Variants in SDK2 observed in about 807,000 individuals in gnomAD.
The protein encoded by SDK2 is sidekick cell adhesion molecule 2.
Under a neutral mutation model 253.9 loss-of-function variants are expected in SDK2, and 105 were observed. That is an observed-to-expected ratio of 0.41 (90% confidence interval 0.35 to 0.49). SDK2 has a LOEUF of 0.49. Among genes scored for constraint, SDK2 ranks in the 20% least tolerant of loss-of-function variants. The pLI is 0.06. For synonymous variants in SDK2, 1,249 were observed against 1,234.9 expected, an observed-to-expected ratio of 1.01 and a Z score of -0.24; for missense variants, 2,608 against 3,003.0, an observed-to-expected ratio of 0.87 and a Z score of 3.07.
intron 36 of SDK2, among the ~76,000 whole-genome samples, chr17:73,373,551 C>A (rs1005973722): frequency 1.3e-5 from 2 of 152,230 alleles, no homozygotes; most frequent in Non-Finnish European, 2.9e-5. Context: ...TAACAGCCAT[C>A]CTTGCAGGTG....
In SDK2 at chr17:73,380,897, C is replaced by T. The variant is rs1212419234; in HGVS notation, c.4759G>A (p.Asp1587Asn). The T allele has an allele frequency of 1.2e-5, 19 of 1,567,618 alleles. No homozygotes were observed. The highest frequency in any genetic ancestry group is 1.6e-5 in the Non-Finnish European group (18 of 1,156,234). The change falls in exon 34 of 45, where the codon GAC becomes AAC. Residue 1587 changes from aspartate to asparagine, a missense_variant. Around this residue, in one of 2 missense-constraint regions of SDK2, gnomAD observed 1,103 missense variants for 1,143.9 expected, o/e 0.96. Transcript: ENST00000392650. ...GCCACCATGCAAGGAGACTTACTGTCCAGCTCGTACTGCGTGAGGCTGGGC... is the reference window on the plus strand; with the variant it reads ...GCCACCATGCAAGGAGACTTACTGTTCAGCTCGTACTGCGTGAGGCTGGGC... The part of the protein sequence containing the change: ...SRPSLTQYEL[D>N]NLNKHRRYEI...
Position 73,443,992 on chromosome 17 carries a change from C to T in SDK2, c.614-3069G>A, listed in dbSNP as rs538059584. On this transcript the variant is annotated intron_variant, in intron 5 of 44. Coordinates refer to ENST00000392650, the MANE Select transcript of SDK2 (RefSeq NM_001144952.2). This position sits in a 1 kb window ranked among gnomAD's most constrained non-coding sequence, Gnocchi z 4.6. ...TCCCAGAGGAAGTCGAACCAATGCT[C>T]GTGGGGTTAATGAATGAAAGAGCGT... 2.6e-5 allele frequency among the ~76,000 whole-genome samples: 4 copies of T among 152,204 alleles called. No individual in the cohort carries two copies. The highest frequency in any genetic ancestry group is 6.5e-5 in the Admixed American group (1 of 15,296).
At chr17:73,587,178 TC>T (rs2045613520) in intron 1 of SDK2, among the ~76,000 whole-genome samples, 1 of 152,120 alleles carries the variant, frequency 6.6e-6, no homozygotes, top group Non-Finnish European at 1.5e-5. Flanking sequence ...CCCTTGGAAT[TC>T]CATCTCCAGG....
In SDK2 at chr17:73,443,181, C is replaced by T. The variant is rs995171278; in HGVS notation, c.614-2258G>A. The stretch of plus-strand genomic sequence containing the variant: ...CAGTGGCCCCACTGCCCCTCTGGGC[C>T]ACCTTGTCAGCCCTGGGCAGGTTTT... On this transcript the variant is annotated intron_variant, in intron 5 of 44. Coordinates refer to ENST00000392650, the MANE Select transcript of SDK2 (RefSeq NM_001144952.2). This position sits in a 1 kb window ranked among gnomAD's most constrained non-coding sequence, Gnocchi z 4.6. 7.2e-5 allele frequency among the ~76,000 whole-genome samples: 11 copies of T among 152,302 alleles called. 1 individual carries two copies. Among genetic ancestry groups the T allele is most frequent in the East Asian group, 3.9e-4 (2 of 5,174 alleles).
At chr17:73,557,173 TA>T (rs1260056995) in intron 1 of SDK2, among the ~76,000 whole-genome samples, 3 of 152,222 alleles carry the variant, frequency 2.0e-5, no homozygotes, top group African/African-American at 7.2e-5. Context: ...TCATAAGAAG[TA>T]AGTTTCAACT....
intron 1 of SDK2, among the ~76,000 whole-genome samples, chr17:73,539,270 T>C (rs1366765646): frequency 6.6e-6 from 1 of 151,834 alleles, no homozygotes; most frequent in African/African-American, 2.4e-5. Flanking sequence ...CCCCTTAAAG[T>C]GAAAAAACAA....
rs1018420769 is a variant in SDK2, at chr17:73,496,491, G to A, written c.224+10947C>T. On this transcript the variant is annotated intron_variant, in intron 2 of 44. Coordinates refer to ENST00000392650, the MANE Select transcript of SDK2 (RefSeq NM_001144952.2). This position sits in a 1 kb window ranked among gnomAD's most constrained non-coding sequence, Gnocchi z 4.7. ...GAGGGCATGAAAGAGCAGAGACCAC[G>A]GGTGCACGATGCGTTCTGCCCATTA... Among the ~76,000 whole-genome samples, 1 of 152,150 alleles carries A rather than the reference G, an allele frequency of 6.6e-6. No individual in the cohort carries two copies. The highest frequency in any genetic ancestry group is 1.5e-5 in the Non-Finnish European group (1 of 68,024).
chr17:73,416,005 G>A lies in SDK2; in HGVS notation c.2187-13C>T. On this transcript the variant is annotated splice_polypyrimidine_tract_variant and intron_variant, in intron 16 of 44. Transcript: ENST00000392650. ...GGCCAGGCAGTACCTGAGGGGAAGAGGCGAGGCACAGTGGAGTCAGAGTCA... is the reference window on the plus strand; with the variant it reads ...GGCCAGGCAGTACCTGAGGGGAAGAAGCGAGGCACAGTGGAGTCAGAGTCA... 1 of 1,605,408 alleles carries A rather than the reference G, an allele frequency of 6.2e-7. No homozygotes were observed. The highest frequency in any genetic ancestry group is 8.5e-7 in the Non-Finnish European group (1 of 1,176,382).
intron 1 of SDK2, among the ~76,000 whole-genome samples, chr17:73,510,808 TC>T (rs1257867672): frequency 2.6e-5 from 4 of 152,208 alleles, no homozygotes; most frequent in Non-Finnish European, 5.9e-5. Flanking sequence ...AATGTTTCAA[TC>T]ATGCATCTCT....
At chr17:73,611,148 GCT>G (rs2045969630) in intron 1 of SDK2, among the ~76,000 whole-genome samples, 1 of 152,224 alleles carries the variant, frequency 6.6e-6, no homozygotes, top group African/African-American at 2.4e-5. Context: ...GGCTCACACA[GCT>G]CTGAGGGTCA....
Position 73,358,120 on chromosome 17 carries a change from T to C in SDK2, c.5552A>G (p.Lys1851Arg), listed in dbSNP as rs1183941451. 6.2e-7 allele frequency: 1 copy of C among 1,613,352 alleles called. No homozygotes were observed. The highest frequency in any genetic ancestry group is 1.1e-5 in the South Asian group (1 of 91,068). ...AIHWSSGDPG[K>R]GPITRYVIEA... ...GATGACGTAGCGGGTGATGGGCCCT[T>C]TGCCCGGGTCTCCGCTGGACCAGTG... The change falls in exon 40 of 45, where the codon AAA becomes AGA. Residue 1851 changes from lysine (K) to arginine (R), a missense_variant. Transcript: ENST00000392650.
At chr17:73,483,653 GTGTGTGTGTA>G (rs2063746724) in intron 2 of SDK2, among the ~76,000 whole-genome samples, 2 of 39,862 alleles carry the variant, frequency 5.0e-5, no homozygotes, top group African/African-American at 8.7e-5. Flanking sequence ...GTGTGTGTGT[GTGTGTGTGTA>G]TATATATATA....
intron 2 of SDK2, among the ~76,000 whole-genome samples, chr17:73,490,443 T>G (rs1326535566): frequency 6.6e-6 from 1 of 151,878 alleles, no homozygotes; most frequent in African/African-American, 2.4e-5. Context: ...TTAGGCAAGC[T>G]GCCTAATCTC....
At chr17:73,624,353 G>T (rs2046174245) in intron 1 of SDK2, among the ~76,000 whole-genome samples, 1 of 152,192 alleles carries the variant, frequency 6.6e-6, no homozygotes, top group South Asian at 2.1e-4. Context: ...ACAATTAGCT[G>T]GTGTGGTAGT....
At position 73,394,224 on chromosome 17, in the gene SDK2, G is replaced by A. The variant is rs142553153; in HGVS notation, c.3693C>T (p.Leu1231=). The A allele has an allele frequency of 1.3e-6, 2 of 1,582,048 alleles. No homozygotes were observed. The highest frequency in any genetic ancestry group is 2.3e-5 in the East Asian group (1 of 44,022). The change falls in exon 26 of 45, where the codon CTC becomes CTT. Residue 1231 remains leucine, a synonymous_variant. Coordinates refer to ENST00000392650, the MANE Select transcript of SDK2 (RefSeq NM_001144952.2). ...SEVPEADRNG[L]VLGYKVMYKE... is the part of the protein sequence containing the mutation. ...CGGGACTCACCTTATAGCCCAGCAC[G>A]AGCCCGTTGCGATCAGCCTCGGGGA...
intron 3 of SDK2, among the ~76,000 whole-genome samples, chr17:73,457,410 G>T (rs1301647955): frequency 6.7e-6 from 1 of 149,508 alleles, no homozygotes; most frequent in African/African-American, 2.5e-5. Context: ...AAGTGCAGTG[G>T]TACAATCTTG....
intron 43 of SDK2, among the ~76,000 whole-genome samples, chr17:73,349,634 A>G (rs4969106): frequency 0.89 from 135,994 of 152,238 alleles, 62,591 homozygotes; most frequent in Non-Finnish European, 1. Flanking sequence ...CTGTGCTTGC[A>G]CCACGAGCCT....
chr17:73,564,751 G>A (rs2045286474), intron 1 of SDK2, among the ~76,000 whole-genome samples: 1 of 152,090 alleles, frequency 6.6e-6, no homozygotes, highest in African/African-American at 2.4e-5. Flanking sequence ...CTTGAACCTG[G>A]GAGGCGGAGG....
rs562098484 is a variant in SDK2, at chr17:73,640,992, C to T, written c.64+3033G>A. The T allele has an allele frequency of 2.0e-5, 3 of 152,364 alleles. No homozygotes were observed. The East Asian group carries it at 5.8e-4, about 29-fold the overall frequency. 9.4% of individuals were successfully genotyped at this position (152,364 alleles called of 1,614,324 possible). A position where few individuals can be genotyped will look rare whatever the true frequency, so the allele number is the denominator to read the frequency against. On this transcript the variant is annotated intron_variant, in intron 1 of 44. Transcript: ENST00000392650. ...TAGTTAAAAGACTTCCAGGCTCACC[C>T]AGACCTTTCCAATCAGTGTCTGGGA...
Sources: gnomAD v4.1 joint callset for allele counts (sites outside exome capture counted in the v4.1 genomes callset) on GRCh38, gnomAD v4.1.1 for gene constraint, gnomAD v4.1.1 regional missense constraint, Gnocchi (gnomAD v3.1) non-coding constraint, MANE v1.5 for transcripts, NCBI Gene and HGNC (gene_info 2026-07-23, HGNC 2026-07-21) for gene names.